TSNAX: variants seen among roughly 807,000 people sequenced by gnomAD.
The protein encoded by TSNAX is translin-associated protein X.
In TSNAX, 12 loss-of-function variants were observed where a neutral mutation model predicts 33.0. That is an observed-to-expected ratio of 0.36 (90% CI 0.23 to 0.59). The LOEUF (loss-of-function observed/expected upper bound fraction) is 0.59. Ranked by LOEUF, TSNAX falls within the 20% of genes least tolerant of loss-of-function variation. TSNAX has a pLI of 0.74. For synonymous variants in TSNAX, 110 were observed against 117.2 expected (o/e 0.94, Z 0.40); for missense variants, 267 against 341.3 (o/e 0.78, Z 1.72).
At chr1:231,542,375 A>G (rs971745008) in intron 3 of TSNAX, 106 bp from the exon 4 acceptor site, 3 of 1,163,010 alleles carry the variant, frequency 2.6e-6, no homozygotes, top group South Asian at 1.6e-5. Context: ...AGTTAGAAGT[A>G]TATGAATGCA....
chr1:231,548,320 A>T (rs1660083601), intron 4 of TSNAX, among the ~76,000 whole-genome samples: 1 of 152,230 alleles, frequency 6.6e-6, no homozygotes, highest in African/African-American at 2.4e-5. Flanking sequence ...ACAGATGAGA[A>T]AATTGGAGCA....
intron 2 of TSNAX, chr1:231,535,572 A>C (rs952066024): frequency 1.3e-5 from 2 of 152,206 alleles, no homozygotes; most frequent in African/African-American, 4.8e-5. Context: ...TTGAGTCTCA[A>C]TATTCGAGAC....
intron 2 of TSNAX, among the ~76,000 whole-genome samples, chr1:231,531,071 A>C (rs1478042845): frequency 1.3e-5 from 2 of 150,874 alleles, no homozygotes; most frequent in Non-Finnish European, 2.9e-5. Context: ...CCATTTTCCT[A>C]CCTCAGCCTC....
At chr1:231,546,576 C>T (rs183041512) in intron 4 of TSNAX, among the ~76,000 whole-genome samples, 3 of 152,056 alleles carry the variant, frequency 2.0e-5, no homozygotes, top group Non-Finnish European at 2.9e-5. Flanking sequence ...AATAATATAG[C>T]TAAAAATTGA....
At chr1:231,559,549 C>T (rs539354613) in intron 4 of TSNAX, among the ~76,000 whole-genome samples, 120 of 152,144 alleles carry the variant, frequency 7.9e-4, no homozygotes, top group African/African-American at 2.6e-3. Flanking sequence ...AGGATGGTCT[C>T]GATCTCCTGA....
intron 4 of TSNAX, among the ~76,000 whole-genome samples, chr1:231,553,682 C>CTTT (rs5781656): frequency 1.0e-4 from 14 of 133,752 alleles, no homozygotes; most frequent in Non-Finnish European, 1.6e-4. Context: ...TCTTTCTTTC[C>CTTT]TTTTTTTTTT....
intron 3 of TSNAX, among the ~76,000 whole-genome samples, chr1:231,538,789 G>A (rs1460635140): frequency 6.6e-6 from 1 of 152,142 alleles, no homozygotes; most frequent in Non-Finnish European, 1.5e-5. Flanking sequence ...AAAACTAGCT[G>A]GAGATGGTGG....
intron 4 of TSNAX, among the ~76,000 whole-genome samples, chr1:231,548,860 A>T (rs961784208): frequency 6.6e-6 from 1 of 152,210 alleles, no homozygotes; most frequent in Non-Finnish European, 1.5e-5. Flanking sequence ...GTCTAAGGAG[A>T]GTGTAGAGTG....
rs576316782 is a variant in TSNAX, at chr1:231,529,945, T to C, written c.121+586T>C. Among the ~76,000 whole-genome samples the C allele has an allele frequency of 4.6e-5, 7 of 152,356 alleles. No homozygotes were observed. The South Asian group carries it at 1.4e-3, about 32-fold the overall frequency. On this transcript the variant is annotated intron_variant, in intron 2 of 5. Coordinates refer to ENST00000366639, the MANE Select transcript of TSNAX (RefSeq NM_005999.3). ...CTTACGTTTCTGTGATTAAGGAATC[T>C]GGGAAGGGCTTAGCTGGTTGATTCC...
At chr1:231,555,439 T>C (rs1053864399) in intron 4 of TSNAX, among the ~76,000 whole-genome samples, 1 of 152,018 alleles carries the variant, frequency 6.6e-6, no homozygotes, top group African/African-American at 2.4e-5. Flanking sequence ...AAATGCTAGG[T>C]CCAGAGTTTC....
chr1:231,533,108 C>T (rs545857613), intron 2 of TSNAX, among the ~76,000 whole-genome samples: 11 of 150,934 alleles, frequency 7.3e-5, no homozygotes, highest in African/African-American at 2.4e-4. Flanking sequence ...ACTCTGTCAC[C>T]CAGACTGGCG....
chr1:231,564,417 G>T, intron 5 of TSNAX, 111 bp from the exon 6 acceptor site: 1 of 1,481,860 alleles, frequency 6.7e-7, no homozygotes. Context: ...ATTTGCTATT[G>T]ATTTTGTACT....
rs1222612435 is a variant in TSNAX at position 231,528,694 on chromosome 1, G to A, written c.-117G>A. The A allele has an allele frequency of 3.3e-6, 4 of 1,224,320 alleles. No individual in the cohort carries two copies. Among genetic ancestry groups the A allele is most frequent in the Non-Finnish European group, 4.7e-6 (4 of 842,620 alleles). The allele number at this position is 1,224,320 out of a possible 1,614,324, so 75.8% of individuals were successfully genotyped here. On this transcript the variant is annotated 5_prime_UTR_variant, in exon 1 of 6. Transcript: ENST00000366639. Reference sequence around the variant, plus strand: ...CCGGCCACTGCGTTGTAGTCGGCCCGGCTGCAAAGCGTTTTTCTGCAGGCT... The same window carrying A: ...CCGGCCACTGCGTTGTAGTCGGCCCAGCTGCAAAGCGTTTTTCTGCAGGCT...
intron 4 of TSNAX, among the ~76,000 whole-genome samples, chr1:231,557,269 G>C (rs1660754726): frequency 6.6e-6 from 1 of 152,114 alleles, no homozygotes; most frequent in African/African-American, 2.4e-5. Context: ...ACCTAGGACT[G>C]ATAGAGGCAG....
intron 4 of TSNAX, among the ~76,000 whole-genome samples, chr1:231,556,035 C>T (rs1447473472): frequency 6.6e-6 from 1 of 152,168 alleles, no homozygotes; most frequent in Non-Finnish European, 1.5e-5. Context: ...ATTTTTAAAA[C>T]TACTCCTGCT....
intron 5 of TSNAX, among the ~76,000 whole-genome samples, 182 bp downstream of exon 5, chr1:231,561,437 A>G (rs973215952): frequency 1.2e-4 from 18 of 152,214 alleles, no homozygotes; most frequent in African/African-American, 4.3e-4. Context: ...TAGAACAAGA[A>G]CAACTCTGGG....
chr1:231,545,453 C>G (rs1192751424), intron 4 of TSNAX, among the ~76,000 whole-genome samples: 3 of 152,038 alleles, frequency 2.0e-5, no homozygotes, highest in Non-Finnish European at 4.4e-5. Context: ...CATTTCTTAT[C>G]AGAGTAGATT....
At chr1:231,553,015 A>G (rs1660424618) in intron 4 of TSNAX, among the ~76,000 whole-genome samples, 1 of 152,150 alleles carries the variant, frequency 6.6e-6, no homozygotes, top group African/African-American at 2.4e-5. Flanking sequence ...TGGGTTGTTT[A>G]TACTTTTTGG....
chr1:231,558,728 C>T (rs1426979605), intron 4 of TSNAX, among the ~76,000 whole-genome samples: 1 of 151,872 alleles, frequency 6.6e-6, no homozygotes, highest in Non-Finnish European at 1.5e-5. Flanking sequence ...TGGGCGGTGT[C>T]ACCTATTCAT....
Sources: allele counts gnomAD v4.1 joint callset (sites outside exome capture counted in the v4.1 genomes callset), GRCh38; gene constraint gnomAD v4.1.1; transcripts MANE v1.5; gene names NCBI Gene and HGNC (gene_info 2026-07-23, HGNC 2026-07-21).